The following CYTH3 variants were observed in gnomAD, a reference collection of about 807,000 sequenced individuals.
The protein encoded by CYTH3 is cytohesin-3.
In CYTH3, 23 loss-of-function variants were observed where a neutral mutation model predicts 55.1. That is an observed-to-expected ratio of 0.42 (90% CI 0.30 to 0.59). The LOEUF (loss-of-function observed/expected upper bound fraction) is 0.59. Among genes scored for constraint, CYTH3 ranks in the 20% least tolerant of loss-of-function variants. The pLI is 0.20. For synonymous variants in CYTH3, 249 were observed against 194.9 expected (o/e 1.28, Z -2.31); for missense variants, 413 against 524.8 (o/e 0.79, Z 2.08).
chr7:6,225,739 G>C (rs1779233460), intron 1 of CYTH3, among the ~76,000 whole-genome samples: 1 of 151,648 alleles, frequency 6.6e-6, no homozygotes, highest in Non-Finnish European at 1.5e-5. Flanking sequence ...CAGTGCAAAG[G>C]TGCAATCTCA....
intron 1 of CYTH3, among the ~76,000 whole-genome samples, chr7:6,272,165 G>A (rs774298035): frequency 1.3e-5 from 2 of 152,086 alleles, no homozygotes; most frequent in Admixed American, 6.5e-5. Context: ...AAGGTCCCCC[G>A]CCCCAGAGGA....
Position 6,176,530 on chromosome 7 carries a change from G to C in CYTH3, c.368+1293C>G, listed in dbSNP as rs1280431231. Among the ~76,000 whole-genome samples, 8 of 151,886 alleles carry C rather than the reference G, an allele frequency of 5.3e-5. No individual in the cohort carries two copies. In the East Asian group the frequency reaches 1.5e-3, roughly 29 times the overall value. On this transcript the variant is annotated intron_variant, in intron 5 of 12. Coordinates refer to ENST00000350796, the MANE Select transcript of CYTH3 (RefSeq NM_004227.4). ...CCCACCTCGGCCTCCCAAAGCGCTG[G>C]GATTACAGGCATGAGGCACCACGCC...
At chr7:6,174,137 G>C (rs1783272534) in intron 5 of CYTH3, among the ~76,000 whole-genome samples, 3 of 151,242 alleles carry the variant, frequency 2.0e-5, no homozygotes, top group East Asian at 3.9e-4. Flanking sequence ...TTTTGAGCCA[G>C]AATTTCACTC....
intron 1 of CYTH3, among the ~76,000 whole-genome samples, chr7:6,246,290 G>GA (rs1779814055): frequency 1.3e-5 from 2 of 150,816 alleles, no homozygotes; most frequent in Admixed American, 1.3e-4. Context: ...GGCTGGTGGC[G>GA]AACTCCTGCC....
In CYTH3 at chr7:6,188,204, A is replaced by G. The variant is rs187060412; in HGVS notation, c.118-483T>C. On this transcript the variant is annotated intron_variant, in intron 2 of 12. Coordinates refer to ENST00000350796, the MANE Select transcript of CYTH3 (RefSeq NM_004227.4). ...AAAAATTAGCTGAGTGTGGTGGTAC[A>G]TGCCTGTAGTCCTAGCTACTAGAGA... 4.0e-3 allele frequency among the ~76,000 whole-genome samples: 614 copies of G among 152,130 alleles called. 5 individuals are homozygous for G. Among genetic ancestry groups the G allele is most frequent in the African/African-American group, 0.014 (592 of 41,498 alleles).
chr7:6,237,229 A>G (rs1490885106), intron 1 of CYTH3, among the ~76,000 whole-genome samples: 1 of 152,216 alleles, frequency 6.6e-6, no homozygotes, highest in Non-Finnish European at 1.5e-5. Context: ...TAGGCACTGG[A>G]GGTACAAGTG....
At chr7:6,198,867 T>C (rs1161378623) in intron 1 of CYTH3, among the ~76,000 whole-genome samples, 1 of 151,842 alleles carries the variant, frequency 6.6e-6, no homozygotes, top group Non-Finnish European at 1.5e-5. Flanking sequence ...AGCTTCCCTA[T>C]AAAATCCTGA....
chr7:6,272,418 G>GC, intron 1 of CYTH3, 56 bp downstream of exon 1: 1 of 1,182,748 alleles, frequency 8.5e-7, no homozygotes, highest in South Asian at 2.7e-5. Flanking sequence ...TCGACCCCCA[G>GC]CCCCCGGCCC....
At chr7:6,252,406 G>C (rs1437899965) in intron 1 of CYTH3, among the ~76,000 whole-genome samples, 1 of 152,086 alleles carries the variant, frequency 6.6e-6, no homozygotes, top group Non-Finnish European at 1.5e-5. Context: ...ATAATTAAAA[G>C]GGAAAATTAA....
At chr7:6,241,793 T>C (rs1779679024) in intron 1 of CYTH3, among the ~76,000 whole-genome samples, 1 of 152,104 alleles carries the variant, frequency 6.6e-6, no homozygotes, top group African/African-American at 2.4e-5. Flanking sequence ...AGCTCAATTA[T>C]GACAGCTATC....
intron 4 of CYTH3, among the ~76,000 whole-genome samples, chr7:6,184,049 C>CGTTTT: frequency 2.2e-5 from 1 of 46,400 alleles, no homozygotes; most frequent in South Asian, 9.8e-4. Flanking sequence ...CCCTCTGTGG[C>CGTTTT]TTTTTTTTTT....
chr7:6,252,385 G>A (rs886206487), intron 1 of CYTH3, among the ~76,000 whole-genome samples: 3 of 152,090 alleles, frequency 2.0e-5, no homozygotes, highest in Admixed American at 2.0e-4. Context: ...CTCTGGTTAC[G>A]TGGCGTGTAC....
intron 1 of CYTH3, among the ~76,000 whole-genome samples, chr7:6,217,584 T>C (rs1214985589): frequency 1.3e-5 from 2 of 152,200 alleles, no homozygotes; most frequent in Non-Finnish European, 2.9e-5. Flanking sequence ...AGCTGAGAGA[T>C]ATCAACAATT....
chr7:6,223,187 G>A (rs1214536221), intron 1 of CYTH3, among the ~76,000 whole-genome samples: 3 of 151,890 alleles, frequency 2.0e-5, no homozygotes, highest in Non-Finnish European at 4.4e-5. Context: ...CCTCTGCCCG[G>A]CCGCCCCATC....
chr7:6,164,630 G>A lies in CYTH3; in HGVS notation c.*314C>T, dbSNP rs573875848. On this transcript the variant is annotated 3_prime_UTR_variant, in exon 13 of 13. Coordinates refer to ENST00000350796, the MANE Select transcript of CYTH3 (RefSeq NM_004227.4). Reference sequence around the variant, plus strand: ...CCTGGCTTCTCCCCCTAGGGGCGCCGGGATGGTCGCAGGAAGGAAATGCTT... The same window carrying A: ...CCTGGCTTCTCCCCCTAGGGGCGCCAGGATGGTCGCAGGAAGGAAATGCTT... 1.5e-4 allele frequency: 59 copies of A among 401,142 alleles called. No individual in the cohort carries two copies. The highest frequency in any genetic ancestry group is 6.1e-4 in the African/African-American group (30 of 49,090). The allele number at this position is 401,142 out of a possible 1,614,324, so 24.8% of individuals were successfully genotyped here. A position where few individuals can be genotyped will look rare whatever the true frequency, so the allele number is the denominator to read the frequency against.
chr7:6,165,109 G>A (rs760060130), intron 12 of CYTH3, 93 bp from the exon 13 acceptor site: 61 of 1,576,730 alleles, frequency 3.9e-5, no homozygotes, highest in Non-Finnish European at 4.7e-5. Context: ...AGACAGGACC[G>A]CAGGCTCAGA....
intron 1 of CYTH3, among the ~76,000 whole-genome samples, chr7:6,272,042 TC>T (rs1340663188): frequency 6.6e-6 from 1 of 152,096 alleles, no homozygotes; most frequent in African/African-American, 2.4e-5. Context: ...CCTCCCGGTT[TC>T]CCACCGGCTC....
chr7:6,262,473 G>GA (rs921118936), intron 1 of CYTH3, among the ~76,000 whole-genome samples: 1 of 152,106 alleles, frequency 6.6e-6, no homozygotes, highest in African/African-American at 2.4e-5. Flanking sequence ...CTAAAGGGAA[G>GA]AAAAAACACA....
intron 1 of CYTH3, among the ~76,000 whole-genome samples, chr7:6,250,717 T>C (rs958716858): frequency 9.8e-5 from 15 of 152,314 alleles, no homozygotes; most frequent in South Asian, 8.3e-4. Context: ...CAGGTTCTTT[T>C]TGAAGTGATA....
Sources: gnomAD v4.1 joint callset for allele counts (sites outside exome capture counted in the v4.1 genomes callset) on GRCh38, gnomAD v4.1.1 for gene constraint, MANE v1.5 for transcripts, NCBI Gene and HGNC (gene_info 2026-07-23, HGNC 2026-07-21) for gene names.